Variants in PLCB1 observed in about 807,000 individuals in gnomAD.
PLCB1 encodes 1-phosphatidylinositol 4,5-bisphosphate phosphodiesterase beta-1.
A neutral mutation model predicts 161.8 loss-of-function variants in PLCB1; 46 were observed. That is an observed-to-expected ratio of 0.28 (90% CI 0.22 to 0.36). The LOEUF is 0.36. PLCB1 is among the 10% of genes least tolerant of loss of function. The pLI, the probability that PLCB1 is intolerant of heterozygous loss-of-function variation, is 1.00. For synonymous variants in PLCB1, 517 were observed against 503.7 expected (o/e 1.03, Z -0.35); for missense variants, 1,016 against 1,472.5 (o/e 0.69, Z 5.07).
intron 3 of PLCB1, among the ~76,000 whole-genome samples, chr20:8,384,184 A>G (rs1068103): frequency 0.36 from 55,063 of 151,756 alleles, 10,420 homozygotes; most frequent in South Asian, 0.49. Flanking sequence ...CAGTCTTTCT[A>G]CATAGTCCCA....
chr20:8,651,467 C>G (rs868774735), intron 7 of PLCB1: 1 of 727,074 alleles, frequency 1.4e-6, no homozygotes, highest in Non-Finnish European at 2.6e-6. Flanking sequence ...AAAGGCTCCC[C>G]CAAAACATTT....
intron 3 of PLCB1, among the ~76,000 whole-genome samples, chr20:8,490,867 TATATATATATGTACAC>T (rs994333184): frequency 4.1e-5 from 6 of 146,594 alleles, no homozygotes; most frequent in Admixed American, 4.0e-4. Context: ...TAGGCATATA[TATATATATATGTACAC>T]ATATCTATAT....
intron 29 of PLCB1, among the ~76,000 whole-genome samples, chr20:8,789,145 A>G (rs899176246): frequency 3.9e-5 from 6 of 152,188 alleles, no homozygotes; most frequent in African/African-American, 4.8e-5. Flanking sequence ...TGAAAGGCCT[A>G]GGTGGGAGGA....
At chr20:8,741,836 A>T (rs979660499) in intron 23 of PLCB1, among the ~76,000 whole-genome samples, 26 of 152,352 alleles carry the variant, frequency 1.7e-4, no homozygotes, top group Non-Finnish European at 3.1e-4. Flanking sequence ...GCTATTTCAG[A>T]TGAAACTTTC....
At chr20:8,588,415 A>G (rs1308750086) in intron 3 of PLCB1, among the ~76,000 whole-genome samples, 1 of 152,152 alleles carries the variant, frequency 6.6e-6, no homozygotes, top group Non-Finnish European at 1.5e-5. Flanking sequence ...AATGTTAGGA[A>G]CTAAATTGTG....
intron 10 of PLCB1, among the ~76,000 whole-genome samples, chr20:8,687,019 A>AATTATTATT (rs35280507): frequency 4.0e-5 from 6 of 149,140 alleles, no homozygotes; most frequent in Admixed American, 6.7e-5. Flanking sequence ...TACCAATTTA[A>AATTATTATT]ATTATTATTA....
chr20:8,481,515 T>C (rs1371777801), intron 3 of PLCB1, among the ~76,000 whole-genome samples: 1 of 152,232 alleles, frequency 6.6e-6, no homozygotes, highest in Non-Finnish European at 1.5e-5. Context: ...TGGTTGCATG[T>C]AGTTTTGCCA....
intron 9 of PLCB1, among the ~76,000 whole-genome samples, chr20:8,676,009 T>C (rs1305410293): frequency 1.3e-5 from 2 of 152,366 alleles, no homozygotes; most frequent in East Asian, 3.9e-4. Flanking sequence ...TTAGAGGGAC[T>C]ATTTATGTAT....
At chr20:8,148,381 T>C (rs79249175) in intron 1 of PLCB1, among the ~76,000 whole-genome samples, 5,206 of 152,282 alleles carry the variant, frequency 0.034, 297 homozygotes, top group African/African-American at 0.12. Flanking sequence ...TTAGAAGTAA[T>C]TGGGAAATTT....
chr20:8,202,756 A>C, intron 2 of PLCB1, among the ~76,000 whole-genome samples: 1 of 152,190 alleles, frequency 6.6e-6, no homozygotes, highest in East Asian at 1.9e-4. Flanking sequence ...GCCTGCAATA[A>C]TCACATCAGA....
chr20:8,831,082 T>A (rs1985957660), intron 31 of PLCB1: 1 of 152,234 alleles, frequency 6.6e-6, no homozygotes, highest in South Asian at 2.1e-4. Context: ...TTAAAATCAC[T>A]CTAAACGCCC....
chr20:8,746,840 A>G lies in PLCB1; in HGVS notation c.2523+5267A>G, dbSNP rs60672677. 7.9e-3 allele frequency among the ~76,000 whole-genome samples: 1,197 copies of G among 152,346 alleles called. 14 individuals are homozygous for G. The highest frequency in any genetic ancestry group is 0.028 in the African/African-American group (1,146 of 41,578). On this transcript the variant is annotated intron_variant, in intron 23 of 31. Transcript: ENST00000338037. Reference sequence around the variant, plus strand: ...GGTTCTGCAACTCATGTTCCACATCAGCACTTCTGCATGTTAAGTGTGAAG... The same window carrying G: ...GGTTCTGCAACTCATGTTCCACATCGGCACTTCTGCATGTTAAGTGTGAAG...
intron 3 of PLCB1, among the ~76,000 whole-genome samples, chr20:8,516,740 G>A (rs1373074411): frequency 1.5e-5 from 2 of 132,604 alleles, no homozygotes; most frequent in African/African-American, 5.6e-5. Context: ...TATACTACTA[G>A]TCAGTCACCT....
chr20:8,695,024 A>G (rs916984206), intron 10 of PLCB1, among the ~76,000 whole-genome samples: 1 of 152,192 alleles, frequency 6.6e-6, no homozygotes, highest in East Asian at 1.9e-4. Context: ...TTGCCATGAC[A>G]ATGTACTTTG....
chr20:8,657,740 G>A (rs186007169), intron 8 of PLCB1, among the ~76,000 whole-genome samples: 59 of 152,000 alleles, frequency 3.9e-4, no homozygotes, highest in African/African-American at 1.2e-3. Context: ...TTATATCAAG[G>A]CATTACCTTT....
chr20:8,431,787 A>T (rs773110084), intron 3 of PLCB1, among the ~76,000 whole-genome samples: 2 of 152,188 alleles, frequency 1.3e-5, no homozygotes, highest in Admixed American at 6.5e-5. Flanking sequence ...TCTTATAAAG[A>T]TCAAAATATT....
chr20:8,346,028 G>T (rs904013919), intron 2 of PLCB1, among the ~76,000 whole-genome samples: 1 of 152,148 alleles, frequency 6.6e-6, no homozygotes, highest in South Asian at 2.1e-4. Flanking sequence ...TGTGTTTTAC[G>T]TTAGGTCTTG....
At chr20:8,632,461 G>A (rs1361412482) in intron 4 of PLCB1, among the ~76,000 whole-genome samples, 4 of 152,186 alleles carry the variant, frequency 2.6e-5, no homozygotes, top group African/African-American at 7.2e-5. Flanking sequence ...CCTTGCCGAT[G>A]TGGAGCATAC....
intron 14 of PLCB1, among the ~76,000 whole-genome samples, chr20:8,720,674 G>A (rs370363242): frequency 6.6e-6 from 1 of 151,998 alleles, no homozygotes; most frequent in African/African-American, 2.4e-5. Flanking sequence ...GAAAAATCAG[G>A]TTTCTGCTTT....
Sources: allele counts gnomAD v4.1 joint callset (sites outside exome capture counted in the v4.1 genomes callset), GRCh38; gene constraint gnomAD v4.1.1; transcripts MANE v1.5; gene names NCBI Gene and HGNC (gene_info 2026-07-23, HGNC 2026-07-21).